The following WDR7 variants were observed in gnomAD, a reference collection of about 807,000 sequenced individuals.
WDR7 encodes the protein WD repeat domain 7.
Under a neutral mutation model 169.4 loss-of-function variants are expected in WDR7, and 46 were observed. That is an observed-to-expected ratio of 0.27 (90% CI 0.21 to 0.35). The LOEUF is 0.35. Ranked by LOEUF, WDR7 falls within the 10% of genes least tolerant of loss-of-function variation. WDR7 has a pLI of 1.00. For missense variants in WDR7, 1,534 were observed against 1,859.3 expected, an observed-to-expected ratio of 0.83 and a Z score of 3.22; for synonymous variants, 612 against 666.8, an observed-to-expected ratio of 0.92 and a Z score of 1.27.
At chr18:57,009,367 C>A (rs190615413) in intron 26 of WDR7, among the ~76,000 whole-genome samples, 1 of 152,280 alleles carries the variant, frequency 6.6e-6, no homozygotes, top group African/African-American at 2.4e-5. Context: ...AAGTCACCAT[C>A]ATCAAGGGAA....
intron 25 of WDR7, among the ~76,000 whole-genome samples, chr18:56,954,504 A>G (rs1203452109): frequency 6.6e-6 from 1 of 152,150 alleles, no homozygotes; most frequent in African/African-American, 2.4e-5. Flanking sequence ...TAAAAAAGAA[A>G]ACTATATGTG....
At position 56,808,484 on chromosome 18, in the gene WDR7, C is replaced by T. The variant is rs181731003; in HGVS notation, c.3191-7547C>T. On this transcript the variant is annotated intron_variant, in intron 19 of 27. Transcript: ENST00000254442. ...ATATTTATAAATATCTTTCTCCATTCTTAGTCCTAGCAGTGTTTATCACTA... is the reference window on the plus strand; with the variant it reads ...ATATTTATAAATATCTTTCTCCATTTTTAGTCCTAGCAGTGTTTATCACTA... Among the ~76,000 whole-genome samples, 833 of 152,232 alleles carry T rather than the reference C, an allele frequency of 5.5e-3. 10 individuals are homozygous for T. The highest frequency in any genetic ancestry group is 0.019 in the African/African-American group (789 of 41,544).
chr18:56,756,685 T>C lies in WDR7; in HGVS notation c.2092T>C (p.Leu698=), dbSNP rs761500211. The C allele has an allele frequency of 1.2e-5, 20 of 1,614,028 alleles. No individual in the cohort carries two copies. The highest frequency in any genetic ancestry group is 1.7e-5 in the Non-Finnish European group (20 of 1,180,022). Reference sequence around the variant, plus strand: ...TGTGCTATTCTTTGATGTGGAAGCGTTGATTATTCAACTCCTGACTGAAGA... The same window carrying C: ...TGTGCTATTCTTTGATGTGGAAGCGCTGATTATTCAACTCCTGACTGAAGA... ...IHVLFFDVEA[L]IIQLLTEEAS... Residue 698 remains leucine (L), a synonymous_variant, in exon 15 of 28, where the codon TTG becomes CTG. Coordinates refer to ENST00000254442, the MANE Select transcript of WDR7 (RefSeq NM_015285.3).
chr18:56,763,286 A>G (rs1004550232), intron 16 of WDR7, among the ~76,000 whole-genome samples: 1 of 152,034 alleles, frequency 6.6e-6, no homozygotes, highest in Non-Finnish European at 1.5e-5. Context: ...GTTCCATTCT[A>G]TTCTTAGTTT....
intron 21 of WDR7, among the ~76,000 whole-genome samples, chr18:56,917,252 G>C (rs768807557): frequency 6.6e-6 from 1 of 152,050 alleles, no homozygotes; most frequent in Non-Finnish European, 1.5e-5. Context: ...GTGAACTGAA[G>C]GTCCTACTAT....
At chr18:56,733,010 G>C (rs2026620995) in intron 14 of WDR7, among the ~76,000 whole-genome samples, 1 of 152,144 alleles carries the variant, frequency 6.6e-6, no homozygotes, top group South Asian at 2.1e-4. Context: ...TACAGTAACA[G>C]TTATGAATGG....
intron 1 of WDR7, 44 bp from the exon 2 acceptor site, chr18:56,672,453 G>T: frequency 2.9e-6 from 4 of 1,365,618 alleles, no homozygotes; most frequent in Non-Finnish European, 3.8e-6. Flanking sequence ...ACATGTTTTC[G>T]AGAGAAATAT....
chr18:56,767,779 C>T (rs996252967), intron 16 of WDR7, among the ~76,000 whole-genome samples: 1 of 152,124 alleles, frequency 6.6e-6, no homozygotes, highest in Non-Finnish European at 1.5e-5. Flanking sequence ...CAGGCTTATA[C>T]TGGCAAGGGA....
intron 21 of WDR7, among the ~76,000 whole-genome samples, chr18:56,892,257 A>G (rs528721783): frequency 2.0e-5 from 3 of 152,198 alleles, no homozygotes; most frequent in Non-Finnish European, 4.4e-5. Flanking sequence ...GAGTGCTTGT[A>G]TTTATTTTGC....
chr18:56,702,164 C>T (rs531625704), intron 12 of WDR7, among the ~76,000 whole-genome samples: 3 of 152,114 alleles, frequency 2.0e-5, no homozygotes, highest in South Asian at 2.1e-4. Context: ...GAAACTTCCT[C>T]CAACGCTCCA....
chr18:56,923,059 G>A (rs1340180872), intron 21 of WDR7, among the ~76,000 whole-genome samples: 1 of 152,118 alleles, frequency 6.6e-6, no homozygotes, highest in African/African-American at 2.4e-5. Context: ...CTTTTAATCA[G>A]TATACTGTAC....
At chr18:56,703,025 A>C (rs1397286165) in intron 12 of WDR7, among the ~76,000 whole-genome samples, 2 of 152,246 alleles carry the variant, frequency 1.3e-5, no homozygotes, top group African/African-American at 4.8e-5. Context: ...TTAATATATT[A>C]GTTAAAGAAT....
intron 26 of WDR7, among the ~76,000 whole-genome samples, chr18:56,963,417 C>G (rs2145777153): frequency 6.6e-6 from 1 of 152,204 alleles, no homozygotes; most frequent in East Asian, 1.9e-4. Flanking sequence ...GTTAAACTGT[C>G]TGTTAAATTT....
chr18:56,743,589 T>C (rs2043653037), intron 14 of WDR7, among the ~76,000 whole-genome samples: 1 of 152,222 alleles, frequency 6.6e-6, no homozygotes, highest in Non-Finnish European at 1.5e-5. Flanking sequence ...AGTATTCTTT[T>C]TAAGAACTGT....
chr18:56,717,035 A>G (rs8088764), intron 12 of WDR7, among the ~76,000 whole-genome samples: 5,213 of 152,260 alleles, frequency 0.034, 299 homozygotes, highest in African/African-American at 0.12. Flanking sequence ...GATCCCATAC[A>G]AGGGAAAGAG....
At chr18:56,770,851 C>T (rs994193679) in intron 16 of WDR7, among the ~76,000 whole-genome samples, 2 of 151,880 alleles carry the variant, frequency 1.3e-5, no homozygotes, top group African/African-American at 4.8e-5. Context: ...TGCTTCTAAA[C>T]GTGTTCAGTT....
In WDR7 at chr18:56,879,950, T is replaced by C. The variant is rs1193034063; in HGVS notation, c.3311T>C (p.Leu1104Ser). Reference protein sequence around the residue: ...LVDDDITTGCLSSVPQMKKIS... With the variant: ...LVDDDITTGCSSSVPQMKKIS... ...TCTATGTTTTGGTCTTCAGGTTGCT[T>C]ATCAAGTGTCCCACAAATGAAAAAA... The change falls in exon 21 of 28, where the codon TTA becomes TCA. Residue 1104 changes from leucine (L) to serine (S), a missense_variant. Physicochemically the swap from Leu to Ser is moderately radical, Grantham distance 145. Transcript: ENST00000254442. 7 of 1,613,244 alleles carry C rather than the reference T, an allele frequency of 4.3e-6. No individual in the cohort carries two copies. Among genetic ancestry groups the C allele is most frequent in the Non-Finnish European group, 5.9e-6 (7 of 1,179,576 alleles).
chr18:56,655,300 G>A (rs1445499593), intron 1 of WDR7, among the ~76,000 whole-genome samples: 1 of 152,182 alleles, frequency 6.6e-6, no homozygotes, highest in Non-Finnish European at 1.5e-5. Context: ...TTTATCACCT[G>A]TGTGGATTCC....
At chr18:56,732,249 G>T (rs2026602904) in intron 14 of WDR7, among the ~76,000 whole-genome samples, 1 of 152,046 alleles carries the variant, frequency 6.6e-6, no homozygotes, top group African/African-American at 2.4e-5. Context: ...CCACTGTTTG[G>T]TCTGTGGTAT....
Sources: gnomAD v4.1 joint callset for allele counts (sites outside exome capture counted in the v4.1 genomes callset) on GRCh38, gnomAD v4.1.1 for gene constraint, MANE v1.5 for transcripts, NCBI Gene and HGNC (gene_info 2026-07-23, HGNC 2026-07-21) for gene names.